The following AP3B1 variants were observed in gnomAD, a reference collection of about 807,000 sequenced individuals.
AP3B1 encodes the protein AP-3 complex subunit beta-1.
Under a neutral mutation model 132.5 loss-of-function variants are expected in AP3B1, and 61 were observed. That is an observed-to-expected ratio of 0.46 (90% CI 0.37 to 0.57). The LOEUF is 0.57. Among genes scored for constraint, AP3B1 ranks in the 20% least tolerant of loss-of-function variants. AP3B1 has a pLI of 0.00. For synonymous variants in AP3B1, 388 were observed against 438.3 expected, an observed-to-expected ratio of 0.89 and a Z score of 1.43; for missense variants, 1,120 against 1,289.4, an observed-to-expected ratio of 0.87 and a Z score of 2.01.
At chr5:78,214,616 C>A (rs1745880629) in intron 7 of AP3B1, among the ~76,000 whole-genome samples, 1 of 151,996 alleles carries the variant, frequency 6.6e-6, no homozygotes, top group African/African-American at 2.4e-5. Flanking sequence ...GAAAAAAAAT[C>A]TGAGCAGAAG....
intron 21 of AP3B1, among the ~76,000 whole-genome samples, chr5:78,092,058 T>C (rs1750539363): frequency 6.6e-6 from 1 of 152,242 alleles, no homozygotes; most frequent in South Asian, 2.1e-4. Context: ...ATATGTTGCC[T>C]TCCCATGCAA....
intron 12 of AP3B1, among the ~76,000 whole-genome samples, 185 bp from the exon 13 acceptor site, chr5:78,163,136 T>C (rs906433979): frequency 1.3e-4 from 20 of 152,190 alleles, no homozygotes; most frequent in East Asian, 1.9e-4. Flanking sequence ...ACTTAAAGAA[T>C]GTGCCTATGG....
intron 22 of AP3B1, among the ~76,000 whole-genome samples, chr5:78,067,700 T>G (rs1447817970): frequency 6.6e-6 from 1 of 152,188 alleles, no homozygotes; most frequent in African/African-American, 2.4e-5. Flanking sequence ...AATCAAGAAG[T>G]TCTTTGAAAC....
At chr5:78,281,372 T>C (rs544238514) in intron 1 of AP3B1, among the ~76,000 whole-genome samples, 20 of 145,470 alleles carry the variant, frequency 1.4e-4, no homozygotes, top group Admixed American at 2.9e-4. Context: ...AAGCAGAGAT[T>C]GCAGTGAGCC....
intron 2 of AP3B1, among the ~76,000 whole-genome samples, chr5:78,260,192 T>A (rs10474532): frequency 0.02 from 3,005 of 151,586 alleles, 41 homozygotes; most frequent in Non-Finnish European, 0.032. Context: ...GAAAAAAAAA[T>A]AGAAACCTGT....
intron 22 of AP3B1, among the ~76,000 whole-genome samples, chr5:78,073,104 C>CA (rs1160605518): frequency 6.6e-6 from 1 of 152,170 alleles, no homozygotes; most frequent in Non-Finnish European, 1.5e-5. Flanking sequence ...ACTCCATACT[C>CA]TCTTGTCAGT....
chr5:78,288,455 G>A (rs1170328385), intron 1 of AP3B1, among the ~76,000 whole-genome samples: 1 of 152,188 alleles, frequency 6.6e-6, no homozygotes, highest in Non-Finnish European at 1.5e-5. Context: ...TGATTGTAAA[G>A]TTCATTCCAT....
chr5:78,270,053 C>T (rs1748487888), intron 1 of AP3B1, among the ~76,000 whole-genome samples: 1 of 152,022 alleles, frequency 6.6e-6, no homozygotes, highest in African/African-American at 2.4e-5. Context: ...GCTGGGATTA[C>T]AGGAGTGCAT....
chr5:78,097,939 A>G (rs913533722), intron 21 of AP3B1, among the ~76,000 whole-genome samples: 17 of 152,126 alleles, frequency 1.1e-4, no homozygotes, highest in African/African-American at 4.1e-4. Context: ...TACTAAGAAA[A>G]ATTCTTCTGC....
At chr5:78,231,381 C>T (rs1389644642) in intron 3 of AP3B1, among the ~76,000 whole-genome samples, 1 of 152,006 alleles carries the variant, frequency 6.6e-6, no homozygotes, top group Non-Finnish European at 1.5e-5. Context: ...ACCAAGTTGG[C>T]CAGGCTGGTC....
chr5:78,070,962 A>G (rs954236502), intron 22 of AP3B1, among the ~76,000 whole-genome samples: 1 of 152,222 alleles, frequency 6.6e-6, no homozygotes, highest in Admixed American at 6.5e-5. Context: ...TGTTGGTGGA[A>G]ATGTAAACTA....
intron 22 of AP3B1, among the ~76,000 whole-genome samples, chr5:78,088,787 T>C (rs527736378): frequency 5.3e-5 from 8 of 152,346 alleles, no homozygotes; most frequent in Non-Finnish European, 8.8e-5. Context: ...GTGGATATAA[T>C]ATGCTAACAC....
intron 23 of AP3B1, among the ~76,000 whole-genome samples, chr5:78,036,632 A>G (rs778786840): frequency 2.2e-4 from 33 of 152,128 alleles, no homozygotes; most frequent in Non-Finnish European, 3.8e-4. Context: ...GGAAAATGGA[A>G]TATTATTCCT....
chr5:78,233,836 CAG>C (rs149496252), intron 3 of AP3B1, among the ~76,000 whole-genome samples: 47,162 of 151,420 alleles, frequency 0.31, 7,443 homozygotes, highest in Middle Eastern at 0.42. Context: ...AGGATGCAAA[CAG>C]GGGCATGTTC....
chr5:78,122,994 C>T (rs1232646190), intron 17 of AP3B1, among the ~76,000 whole-genome samples: 4 of 152,188 alleles, frequency 2.6e-5, no homozygotes, highest in African/African-American at 9.6e-5. Flanking sequence ...GGTACCAAAA[C>T]AGAGATATAG....
At chr5:78,276,294 T>C (rs1016446745) in intron 1 of AP3B1, among the ~76,000 whole-genome samples, 3 of 151,984 alleles carry the variant, frequency 2.0e-5, no homozygotes, top group African/African-American at 4.8e-5. Context: ...TCTTGAACTT[T>C]TGAACTCAAG....
intron 26 of AP3B1, among the ~76,000 whole-genome samples, chr5:78,010,437 C>T (rs1448738730): frequency 6.6e-6 from 1 of 152,194 alleles, no homozygotes; most frequent in African/African-American, 2.4e-5. Flanking sequence ...CTGAGTTTTA[C>T]ACAAACTCAC....
At chr5:78,212,510 T>C (rs951726842) in intron 7 of AP3B1, among the ~76,000 whole-genome samples, 2 of 152,140 alleles carry the variant, frequency 1.3e-5, no homozygotes, top group Admixed American at 6.5e-5. Flanking sequence ...TACTTCAAGG[T>C]AAAATGGCCC....
At chr5:78,228,763 G>C (rs576848694) in intron 3 of AP3B1, among the ~76,000 whole-genome samples, 1 of 152,260 alleles carries the variant, frequency 6.6e-6, no homozygotes, top group South Asian at 2.1e-4. Flanking sequence ...TTCCTCATCT[G>C]TTAAAAGAGT....
Sources: allele counts gnomAD v4.1 joint callset (sites outside exome capture counted in the v4.1 genomes callset), GRCh38; gene constraint gnomAD v4.1.1; transcripts MANE v1.5; gene names NCBI Gene and HGNC (gene_info 2026-07-23, HGNC 2026-07-21).